The following SYT14 variants were observed in gnomAD, a reference collection of about 807,000 sequenced individuals.
SYT14 encodes the protein synaptotagmin 14, also known as synaptotagmin-14.
A neutral mutation model predicts 74.2 loss-of-function variants in SYT14; 32 were observed. The observed-to-expected ratio is 0.43, with a 90% confidence interval of 0.33 to 0.58. SYT14 has a LOEUF of 0.58. SYT14 is among the 20% of genes least tolerant of loss of function. The pLI, the probability that SYT14 is intolerant of heterozygous loss-of-function variation, is 0.05. For synonymous variants in SYT14, 298 were observed against 337.7 expected (o/e 0.88, Z 1.29); for missense variants, 791 against 981.8 (o/e 0.81, Z 2.60).
At chr1:210,113,149 C>G (rs1210952992) in intron 7 of SYT14, among the ~76,000 whole-genome samples, 1 of 151,366 alleles carries the variant, frequency 6.6e-6, no homozygotes, top group Non-Finnish European at 1.5e-5. Context: ...TGTAAGAACT[C>G]TGACCGCACA....
At chr1:210,021,106 A>C in exon 5 of SYT14, 1 of 1,614,002 alleles carries the variant, frequency 6.2e-7, no homozygotes, top group Non-Finnish European at 8.5e-7. Flanking sequence ...CGCTGGGTAA[A>C]TATCATGAGG....
At position 210,101,932 on chromosome 1, in the gene SYT14, A is replaced by G. The variant is rs145087120; in HGVS notation, c.2034+1471A>G. Among the ~76,000 whole-genome samples, 334 of 152,320 alleles carry G rather than the reference A, an allele frequency of 2.2e-3. 9 individuals carry two copies. Among genetic ancestry groups the G allele is most frequent in the Non-Finnish European group, 8.8e-4 (60 of 68,010 alleles). ...TTTCACAAAGAGAATGAAGCCATAG[A>G]AAATAATACTGTCTTATCTCTGTTC... is the stretch of plus-strand genomic sequence containing the variant. On this transcript the variant is annotated intron_variant, in intron 7 of 9. Coordinates refer to ENST00000637265, the Ensembl canonical transcript of SYT14.
chr1:209,940,603 T>TA (rs2078715417), intron 1 of SYT14, among the ~76,000 whole-genome samples: 1 of 152,204 alleles, frequency 6.6e-6, no homozygotes, highest in Non-Finnish European at 1.5e-5. Flanking sequence ...CAGTAATTCT[T>TA]ATATTCATAA....
intron 2 of SYT14, among the ~76,000 whole-genome samples, chr1:209,959,404 A>G (rs2079043264): frequency 6.6e-6 from 1 of 151,964 alleles, no homozygotes; most frequent in African/African-American, 2.4e-5. Context: ...TTGGCCTCCC[A>G]AACTGTTGAG....
chr1:210,161,038 CATG>C, exon 10 of SYT14: 2 of 1,613,496 alleles, frequency 1.2e-6, no homozygotes, highest in Non-Finnish European at 8.5e-7. Context: ...TTGCTAGAGT[CATG>C]ATGAATAGAA....
intron 2 of SYT14, among the ~76,000 whole-genome samples, chr1:209,961,669 C>G (rs1406246195): frequency 6.6e-6 from 1 of 151,912 alleles, no homozygotes; most frequent in African/African-American, 2.4e-5. Context: ...TATTATCTTA[C>G]TGAAGAAGGT....
chr1:210,081,168 CTT>C (rs989218379), intron 5 of SYT14, among the ~76,000 whole-genome samples: 76 of 152,276 alleles, frequency 5.0e-4, no homozygotes, highest in African/African-American at 1.8e-3. Flanking sequence ...ATGTCTGAGA[CTT>C]TTCTTAGTGC....
At chr1:210,016,042 A>C in exon 4 of SYT14, 13 of 1,232,116 alleles carry the variant, frequency 1.1e-5, no homozygotes, top group Non-Finnish European at 1.2e-5. Flanking sequence ...ATCTGCCTTC[A>C]GTGTCCTCTC....
exon 10 of SYT14, chr1:210,164,066 G>A (rs1319165241): frequency 2.2e-6 from 1 of 453,322 alleles, no homozygotes; most frequent in African/African-American, 2.0e-5. Flanking sequence ...AGCTGCAAAA[G>A]ATAATTATTG....
At chr1:210,057,800 G>A (rs2081127819) in intron 5 of SYT14, among the ~76,000 whole-genome samples, 2 of 152,100 alleles carry the variant, frequency 1.3e-5, no homozygotes, top group African/African-American at 4.8e-5. Context: ...AATCATTCAT[G>A]TTTGACAGCT....
intron 7 of SYT14, among the ~76,000 whole-genome samples, chr1:210,119,818 CAT>C (rs1403670731): frequency 6.6e-6 from 1 of 152,148 alleles, no homozygotes; most frequent in Non-Finnish European, 1.5e-5. Context: ...CCATAGTACA[CAT>C]GTTAGAATTG....
chr1:210,025,218 C>T (rs1298387002), intron 5 of SYT14, among the ~76,000 whole-genome samples: 4 of 152,178 alleles, frequency 2.6e-5, no homozygotes, highest in South Asian at 2.1e-4. Context: ...GGCAAAGCTG[C>T]GTCTGCAGAA....
At chr1:210,137,724 A>G (rs2082818822) in intron 7 of SYT14, among the ~76,000 whole-genome samples, 2 of 139,302 alleles carry the variant, frequency 1.4e-5, no homozygotes, top group African/African-American at 2.6e-5. Flanking sequence ...CTTGTTACCC[A>G]GGCTGGAGTG....
intron 5 of SYT14, among the ~76,000 whole-genome samples, chr1:210,047,908 G>A (rs551720384): frequency 1.3e-4 from 20 of 152,264 alleles, no homozygotes; most frequent in African/African-American, 4.8e-4. Flanking sequence ...TCAGTGAGAT[G>A]TCTTCAGTGT....
intron 2 of SYT14, among the ~76,000 whole-genome samples, chr1:210,009,333 G>A (rs144492584): frequency 0.015 from 2,305 of 152,188 alleles, 29 homozygotes; most frequent in Non-Finnish European, 0.024. Context: ...AAGATTTTTA[G>A]TATTTTTATT....
At chr1:210,149,178 GA>G (rs1219847094) in intron 7 of SYT14, among the ~76,000 whole-genome samples, 4 of 135,628 alleles carry the variant, frequency 2.9e-5, no homozygotes, top group Admixed American at 8.7e-5. Context: ...ATTATAGCAG[GA>G]ATTTTTTTTT....
At chr1:210,159,324 A>T in intron 8 of SYT14, 97 bp from the exon 8 acceptor site, 1 of 1,166,458 alleles carries the variant, frequency 8.6e-7, no homozygotes, top group Non-Finnish European at 1.3e-6. Flanking sequence ...TCCAGTGAAC[A>T]GTGTTTCCTC....
rs2081852457 is a variant in SYT14 at position 210,090,826 on chromosome 1, T to G, written c.1313-3496T>G. Among the ~76,000 whole-genome samples the G allele has an allele frequency of 2.6e-5, 4 of 152,114 alleles. No homozygotes were observed. The South Asian group carries it at 8.3e-4, about 31-fold the overall frequency. ...ATTTAAGCCAACTCTTAGTACACTA[T>G]GTAGAATAAAAACAGATTGCAAACA... On this transcript the variant is annotated intron_variant, in intron 5 of 9. Transcript: ENST00000637265.
rs58313430 is a variant in SYT14 at position 210,088,199 on chromosome 1, GTT to G, written c.1313-6112_1313-6111del. Among the ~76,000 whole-genome samples, 224 of 141,996 alleles carry G rather than the reference GTT, an allele frequency of 1.6e-3. 1 individual carries two copies. The highest frequency in any genetic ancestry group is 5.4e-3 in the African/African-American group (212 of 39,026). 93.2% of individuals were successfully genotyped at this position (141,996 alleles called of 152,430 possible). ...TTGTTAACTTTTTTTTTTACAGTGAGTTTTTTTTTTTTAATTATACTTTAAGT... is the reference window on the plus strand; with the variant it reads ...TTGTTAACTTTTTTTTTTACAGTGAGTTTTTTTTTTAATTATACTTTAAGT... On this transcript the variant is annotated intron_variant, in intron 5 of 9. Coordinates refer to ENST00000637265, the Ensembl canonical transcript of SYT14.
Sources: gnomAD v4.1 joint callset for allele counts (sites outside exome capture counted in the v4.1 genomes callset) on GRCh38, gnomAD v4.1.1 for gene constraint, MANE v1.5 for transcripts, NCBI Gene and HGNC (gene_info 2026-07-23, HGNC 2026-07-21) for gene names.